LTBP4: variants seen among roughly 807,000 people sequenced by gnomAD.
LTBP4 encodes latent transforming growth factor beta binding protein 4.
LTBP4 carries 93 observed loss-of-function variants against 180.2 expected under a neutral mutation model. That is an observed-to-expected ratio of 0.52 (90% confidence interval 0.44 to 0.61). The LOEUF (loss-of-function observed/expected upper bound fraction) is 0.61. Ranked by LOEUF, LTBP4 falls within the 20% of genes least tolerant of loss-of-function variation. The probability of loss-of-function intolerance (pLI) is 0.00; values close to 1 mark genes in which losing one functional copy is unlikely to be tolerated. For synonymous variants in LTBP4, 947 were observed against 934.5 expected, an observed-to-expected ratio of 1.01 and a Z score of -0.24; for missense variants, 2,116 against 2,256.5, an observed-to-expected ratio of 0.94 and a Z score of 1.26.
In LTBP4 at chr19:40,613,453, C is replaced by A. The variant is rs267607228; in HGVS notation, c.2481C>A (p.Cys827Ter). The A allele has an allele frequency of 6.2e-7, 1 of 1,601,928 alleles. No homozygotes were observed. The highest frequency in any genetic ancestry group is 1.7e-5 in the Admixed American group (1 of 58,538). ...ATTTCTGCTTCCCTCACGGCGAGTG[C>A]CTCAACACTGACGGCTCCTTTGCCT... ...EGDFCFPHGE[C>*]LNTDGSFACT... The change falls in exon 17 of 30, where the codon TGC (cysteine) becomes TGA (stop). Residue 827 changes from cysteine to a stop codon, truncating the protein, a stop_gained. Transcript: ENST00000396819. LOFTEE classifies it high-confidence loss of function. This position sits in a 1 kb window ranked among gnomAD's most constrained non-coding sequence, Gnocchi z 5.0.
In LTBP4 at chr19:40,611,518, G is replaced by A; in HGVS notation, c.2053+124G>A. 1 of 1,357,300 alleles carries A rather than the reference G, an allele frequency of 7.4e-7. No homozygotes were observed. 84.1% of individuals were successfully genotyped at this position (1,357,300 alleles called of 1,614,324 possible). ...ATGGAGAACAGGGGCTGAGGGATGG[G>A]GACCTCACTCCAGAGTCTTCTCTCC... On this transcript the variant is annotated intron_variant, in intron 13 of 29. Coordinates refer to ENST00000396819, the MANE Select transcript of LTBP4 (RefSeq NM_001042545.2). The surrounding 1 kb of genome is among the most constrained non-coding windows in gnomAD (Gnocchi z 4.4).
rs1427720290 is a variant in LTBP4 at position 40,611,887 on chromosome 19, A to C, written c.2082A>C (p.Pro694=). 2 of 1,608,080 alleles carry C rather than the reference A, an allele frequency of 1.2e-6. No homozygotes were observed. The highest frequency in any genetic ancestry group is 1.7e-6 in the Non-Finnish European group (2 of 1,177,564). ...QDVDECARSP[P]PCTYGRCENT... ...TGGATGAGTGTGCCCGAAGCCCCCCACCCTGCACCTACGGCCGGTGTGAGA... is the reference window on the plus strand; with the variant it reads ...TGGATGAGTGTGCCCGAAGCCCCCCCCCCTGCACCTACGGCCGGTGTGAGA... Residue 694 remains proline, a synonymous_variant, in exon 14 of 30, where the codon CCA becomes CCC. Transcript: ENST00000396819. The surrounding 1 kb of genome is among the most constrained non-coding windows in gnomAD (Gnocchi z 4.4).
chr19:40,605,274 C>A lies in LTBP4; in HGVS notation c.442+48C>A. Reference sequence around the variant, plus strand: ...CCCCTCCGACCCCTGTCAAGCATTTCACTTTGCCCCTGACCCTCATATTTC... The same window carrying A: ...CCCCTCCGACCCCTGTCAAGCATTTAACTTTGCCCCTGACCCTCATATTTC... On this transcript the variant is annotated intron_variant, in intron 2 of 29. Coordinates refer to ENST00000396819, the MANE Select transcript of LTBP4 (RefSeq NM_001042545.2). This position sits in a 1 kb window ranked among gnomAD's most constrained non-coding sequence, Gnocchi z 5.5. The A allele has an allele frequency of 6.4e-7, 1 of 1,557,948 alleles. No individual in the cohort carries two copies. Among genetic ancestry groups the A allele is most frequent in the Admixed American group, 1.9e-5 (1 of 52,018 alleles).
At chr19:40,623,335 G>A (rs2081600571) in intron 24 of LTBP4, among the ~76,000 whole-genome samples, 1 of 151,982 alleles carries the variant, frequency 6.6e-6, no homozygotes, top group African/African-American at 2.4e-5. Flanking sequence ...ACTACGCCTG[G>A]CTAATTTTTT....
At chr19:40,593,262 A>G (rs568315559) in intron 1 of LTBP4, 1 of 1,551,146 alleles carries the variant, frequency 6.4e-7, no homozygotes, top group South Asian at 1.1e-5. Context: ...TTTGTTTTTG[A>G]GACAGGGTCT....
chr19:40,610,072 C>T, intron 11 of LTBP4: 1 of 669,076 alleles, frequency 1.5e-6, no homozygotes, highest in Non-Finnish European at 2.4e-6. Flanking sequence ...TACCCAGCTC[C>T]CAAACTGCCA....
chr19:40,605,261 C>A lies in LTBP4; in HGVS notation c.442+35C>A. On this transcript the variant is annotated intron_variant, in intron 2 of 29. Coordinates refer to ENST00000396819, the MANE Select transcript of LTBP4 (RefSeq NM_001042545.2). This position sits in a 1 kb window ranked among gnomAD's most constrained non-coding sequence, Gnocchi z 5.5. Reference sequence around the variant, plus strand: ...GGGTGGCCAGAGTCCCCTCCGACCCCTGTCAAGCATTTCACTTTGCCCCTG... The same window carrying A: ...GGGTGGCCAGAGTCCCCTCCGACCCATGTCAAGCATTTCACTTTGCCCCTG... 6.4e-7 allele frequency: 1 copy of A among 1,563,744 alleles called. No individual in the cohort carries two copies. The highest frequency in any genetic ancestry group is 2.4e-5 in the East Asian group (1 of 42,102).
At chr19:40,606,622 C>A (rs1168168944) in intron 6 of LTBP4, 96 bp downstream of exon 6, 10 of 1,456,468 alleles carry the variant, frequency 6.9e-6, no homozygotes, top group South Asian at 2.5e-5. Context: ...CGGACCCCCC[C>A]AGACTCCCGG....
chr19:40,606,357 C>T (rs1422875640), intron 5 of LTBP4, 47 bp from the exon 6 acceptor site: 3 of 1,603,740 alleles, frequency 1.9e-6, no homozygotes, highest in East Asian at 4.5e-5. Context: ...GCGGGATTTG[C>T]AGGGATCAAG....
chr19:40,621,697 A>G (rs1473850380), intron 22 of LTBP4, among the ~76,000 whole-genome samples: 1 of 152,050 alleles, frequency 6.6e-6, no homozygotes, highest in African/African-American at 2.4e-5. Flanking sequence ...GGCCATGTGG[A>G]CAAGCTGTGG....
Position 40,617,202 on chromosome 19 carries a change from C to T in LTBP4, c.3047C>T (p.Ala1016Val), listed in dbSNP as rs751234714. 1 of 1,613,590 alleles carries T rather than the reference C, an allele frequency of 6.2e-7. No individual in the cohort carries two copies. Among genetic ancestry groups the T allele is most frequent in the Non-Finnish European group, 8.5e-7 (1 of 1,179,768 alleles). ...CTCTGTGACCAGGGTTACGAGGGGG[C>T]ACGGGATGGGCGTCACTGCGTGGGT... ...QCLCDQGYEG[A>V]RDGRHCVDVN... is the part of the protein sequence containing the mutation. The change falls in exon 21 of 30, where the codon GCA (alanine) becomes GTA (valine). Residue 1016 changes from alanine to valine, a missense_variant. Transcript: ENST00000396819.
rs367771682 is a variant in LTBP4 at position 40,622,658 on chromosome 19, A to G, written c.3475A>G (p.Thr1159Ala). The G allele has an allele frequency of 1.1e-5, 17 of 1,601,700 alleles. No individual in the cohort carries two copies. Among genetic ancestry groups the G allele is most frequent in the Non-Finnish European group, 1.4e-5 (16 of 1,173,618 alleles). The change falls in exon 23 of 30, where the codon ACC becomes GCC. Residue 1159 changes from threonine to alanine, a missense_variant. By Grantham distance (58) the Thr-to-Ala change is moderately conservative (BLOSUM62 0). Coordinates refer to ENST00000396819, the MANE Select transcript of LTBP4 (RefSeq NM_001042545.2). This position sits in a 1 kb window ranked among gnomAD's most constrained non-coding sequence, Gnocchi z 5.1. Reference protein sequence around the residue: ...SGCRIQQCPGTETAEYQSLCP... With the variant: ...SGCRIQQCPGAETAEYQSLCP... ...CTGCCGCATCCAGCAGTGCCCGGGC[A>G]CCGAGACAGGTGGGCATGGGCTGAT...
intron 26 of LTBP4, among the ~76,000 whole-genome samples, chr19:40,624,949 C>G (rs1468313468): frequency 6.6e-6 from 1 of 151,556 alleles, no homozygotes; most frequent in African/African-American, 2.4e-5. Flanking sequence ...GAGTCTTTGA[C>G]TCTTTGGATG....
rs1055926861 is a variant in LTBP4 at position 40,618,259 on chromosome 19, GT to G, written c.3070+1050del. On this transcript the variant is annotated intron_variant, in intron 21 of 29. Transcript: ENST00000396819. ...ATGTTTTTAATTTTTGTAGAGATGA[GT>G]TTTTTTTTTTTTTTTGGAGACAGAG... 2.2e-3 allele frequency among the ~76,000 whole-genome samples: 305 copies of G among 135,854 alleles called. 1 individual carries two copies. The highest frequency in any genetic ancestry group is 3.7e-3 in the Middle Eastern group (1 of 268). 89.1% of individuals were successfully genotyped at this position (135,854 alleles called of 152,430 possible).
At chr19:40,616,759 G>C (rs556035473) in intron 19 of LTBP4, 130 bp from the exon 20 acceptor site, 1 of 1,121,838 alleles carries the variant, frequency 8.9e-7, no homozygotes, top group East Asian at 2.4e-5. Context: ...CAACATTGTT[G>C]ATCTTCAGAA....
At chr19:40,594,491 G>C (rs1322653761) in intron 1 of LTBP4, 1 of 152,174 alleles carries the variant, frequency 6.6e-6, no homozygotes, top group Non-Finnish European at 1.5e-5. Context: ...TTGAAGATGC[G>C]CTGGATCCCG....
In LTBP4 at chr19:40,629,667, C is replaced by T; in HGVS notation, c.*117C>T. On this transcript the variant is annotated 3_prime_UTR_variant, in exon 30 of 30. Transcript: ENST00000396819. This position sits in a 1 kb window ranked among gnomAD's most constrained non-coding sequence, Gnocchi z 4.5. Reference sequence around the variant, plus strand: ...CGCCCGCCTGGACCTGGAGAAGGGACCTACGGACGCCTGGAAGCTGCGACG... The same window carrying T: ...CGCCCGCCTGGACCTGGAGAAGGGATCTACGGACGCCTGGAAGCTGCGACG... 9.3e-7 allele frequency: 1 copy of T among 1,073,078 alleles called. No individual in the cohort carries two copies. The highest frequency in any genetic ancestry group is 1.2e-6 in the Non-Finnish European group (1 of 829,326). 66.5% of individuals were successfully genotyped at this position (1,073,078 alleles called of 1,614,324 possible).
chr19:40,614,460 C>T lies in LTBP4; in HGVS notation c.2812+14C>T, dbSNP rs1373469636. On this transcript the variant is annotated intron_variant, in intron 19 of 29. Coordinates refer to ENST00000396819, the MANE Select transcript of LTBP4 (RefSeq NM_001042545.2). Reference sequence around the variant, plus strand: ...GCACCTGTGACGGTGAGCCTGCCCCCACCCGCCTTCGCTAGCGCTTGCAAC... The same window carrying T: ...GCACCTGTGACGGTGAGCCTGCCCCTACCCGCCTTCGCTAGCGCTTGCAAC... 14 of 1,595,504 alleles carry T rather than the reference C, an allele frequency of 8.8e-6. No homozygotes were observed. Among genetic ancestry groups the T allele is most frequent in the Non-Finnish European group, 8.5e-6 (10 of 1,178,404 alleles).
intron 7 of LTBP4, among the ~76,000 whole-genome samples, chr19:40,607,854 G>A (rs1446359295): frequency 1.3e-5 from 2 of 152,122 alleles, no homozygotes; most frequent in Non-Finnish European, 2.9e-5. Context: ...ACTGCCTTCA[G>A]CTTAGCCCCA....
Sources: allele counts gnomAD v4.1 joint callset (sites outside exome capture counted in the v4.1 genomes callset), GRCh38; gene constraint gnomAD v4.1.1; non-coding constraint Gnocchi (gnomAD v3.1); transcripts MANE v1.5; gene names NCBI Gene and HGNC (gene_info 2026-07-23, HGNC 2026-07-21).